KIAA0319L: variants seen among roughly 807,000 people sequenced by gnomAD.
The protein encoded by KIAA0319L is dyslexia-associated protein KIAA0319-like protein.
Under a neutral mutation model 120.1 loss-of-function variants are expected in KIAA0319L, and 55 were observed. That is an observed-to-expected ratio of 0.46 (90% CI 0.37 to 0.57). The LOEUF is 0.57. Among genes scored for constraint, KIAA0319L ranks in the 20% least tolerant of loss-of-function variants. KIAA0319L has a pLI of 0.00. For missense variants in KIAA0319L, 1,049 were observed against 1,255.3 expected (o/e 0.84, Z 2.48); for synonymous variants, 398 against 471.9 (o/e 0.84, Z 2.03).
Position 35,437,574 on chromosome 1 carries a change from C to T in KIAA0319L, c.2963-2493G>A, listed in dbSNP as rs140500113. On this transcript the variant is annotated intron_variant, in intron 20 of 20. Coordinates refer to ENST00000325722, the MANE Select transcript of KIAA0319L (RefSeq NM_024874.5). The surrounding 1 kb of genome is among the most constrained non-coding windows in gnomAD (Gnocchi z 4.1). ...ACCTGCGCTTTCACTTCCACTGTCA[C>T]TCCCCACTCTACTGCAGCTCTCTGA... 6.6e-6 allele frequency among the ~76,000 whole-genome samples: 1 copy of T among 152,358 alleles called. No homozygotes were observed. Among genetic ancestry groups the T allele is most frequent in the African/African-American group, 2.4e-5 (1 of 41,590 alleles).
rs1218146116 is a variant in KIAA0319L at position 35,466,594 on chromosome 1, G to A, written c.1201+14C>T. The A allele has an allele frequency of 1.3e-6, 2 of 1,589,890 alleles. No homozygotes were observed. The highest frequency in any genetic ancestry group is 2.2e-5 in the South Asian group (2 of 90,586). ...GAGGGAGGAAGGGAGACACAGCCAG[G>A]GCTGAAAACATACCTGGCTTGACTG... On this transcript the variant is annotated intron_variant, in intron 7 of 20. Transcript: ENST00000325722.
At chr1:35,501,808 G>A (rs1335594120) in intron 3 of KIAA0319L, among the ~76,000 whole-genome samples, 2 of 151,412 alleles carry the variant, frequency 1.3e-5, no homozygotes, top group Admixed American at 1.3e-4. Flanking sequence ...AACCCGGGAG[G>A]TGGAGGTTGC....
intron 20 of KIAA0319L, among the ~76,000 whole-genome samples, chr1:35,438,338 C>A (rs1640944544): frequency 6.6e-6 from 1 of 152,078 alleles, no homozygotes; most frequent in Admixed American, 6.6e-5. Flanking sequence ...AAGCTGGGAG[C>A]CATCCTTCCT....
chr1:35,539,758 G>A (rs1271984236), intron 2 of KIAA0319L, among the ~76,000 whole-genome samples: 2 of 152,164 alleles, frequency 1.3e-5, no homozygotes, highest in Non-Finnish European at 2.9e-5. Flanking sequence ...GCTGACTCTG[G>A]TTGCCCTCAG....
intron 5 of KIAA0319L, among the ~76,000 whole-genome samples, chr1:35,472,438 C>T (rs962582524): frequency 1.1e-4 from 17 of 152,098 alleles, no homozygotes; most frequent in African/African-American, 3.6e-4. Flanking sequence ...ATTACAGGCA[C>T]GTACCACCAC....
At chr1:35,523,379 T>A (rs993548342) in intron 2 of KIAA0319L, among the ~76,000 whole-genome samples, 2 of 152,198 alleles carry the variant, frequency 1.3e-5, no homozygotes, top group Non-Finnish European at 2.9e-5. Context: ...AACATTACAT[T>A]GTAGGTGCTC....
At chr1:35,496,217 C>T (rs1159517869) in intron 3 of KIAA0319L, among the ~76,000 whole-genome samples, 4 of 151,946 alleles carry the variant, frequency 2.6e-5, no homozygotes, top group Non-Finnish European at 4.4e-5. Flanking sequence ...GTCAGGGGTT[C>T]GATACCAGCC....
chr1:35,473,775 G>A (rs1643783292), intron 5 of KIAA0319L, among the ~76,000 whole-genome samples: 1 of 152,180 alleles, frequency 6.6e-6, no homozygotes. Flanking sequence ...TAAGAATACT[G>A]TATTGGAGAT....
At chr1:35,467,688 C>T (rs1643360447) in intron 6 of KIAA0319L, among the ~76,000 whole-genome samples, 1 of 151,774 alleles carries the variant, frequency 6.6e-6, no homozygotes, top group African/African-American at 2.4e-5. Flanking sequence ...TACAATCATA[C>T]AATCTTTTTT....
intron 2 of KIAA0319L, among the ~76,000 whole-genome samples, chr1:35,527,910 A>G (rs1646215362): frequency 1.3e-5 from 2 of 149,558 alleles, no homozygotes; most frequent in African/African-American, 4.9e-5. Context: ...CCTTCCTTCT[A>G]CTAATTTTGG....
chr1:35,550,963 A>G (rs1472441919), intron 2 of KIAA0319L, among the ~76,000 whole-genome samples: 1 of 152,246 alleles, frequency 6.6e-6, no homozygotes, highest in East Asian at 1.9e-4. Flanking sequence ...GGTTTCAGCA[A>G]TATTTTGCAG....
At chr1:35,546,037 T>C (rs1336847428) in intron 2 of KIAA0319L, among the ~76,000 whole-genome samples, 1 of 152,200 alleles carries the variant, frequency 6.6e-6, no homozygotes. Flanking sequence ...GAGGTAGCCA[T>C]GAGACATCTT....
chr1:35,441,450 C>G (rs1641209967), intron 19 of KIAA0319L, among the ~76,000 whole-genome samples: 1 of 152,098 alleles, frequency 6.6e-6, no homozygotes, highest in East Asian at 1.9e-4. Context: ...TGGGAGGAGA[C>G]AGGCATTACA....
At chr1:35,444,573 T>C (rs972158245) in intron 16 of KIAA0319L, among the ~76,000 whole-genome samples, 12 of 152,202 alleles carry the variant, frequency 7.9e-5, no homozygotes, top group Admixed American at 7.2e-4. Context: ...TATGTCTGAC[T>C]ACAAAGTCTG....
intron 2 of KIAA0319L, among the ~76,000 whole-genome samples, chr1:35,536,685 C>A (rs931879038): frequency 2.0e-5 from 3 of 152,146 alleles, no homozygotes; most frequent in Non-Finnish European, 4.4e-5. Context: ...AGGTGCTATT[C>A]CATTTCAAAA....
At chr1:35,441,394 A>T (rs1348550944) in intron 19 of KIAA0319L, among the ~76,000 whole-genome samples, 1 of 152,196 alleles carries the variant, frequency 6.6e-6, no homozygotes, top group East Asian at 1.9e-4. Context: ...TGAAGGACAG[A>T]TTGGTTAAAA....
intron 10 of KIAA0319L, among the ~76,000 whole-genome samples, chr1:35,455,703 C>T (rs1318730546): frequency 1.3e-5 from 2 of 151,458 alleles, no homozygotes; most frequent in African/African-American, 4.9e-5. Flanking sequence ...GCCTCAGCCT[C>T]CCAAGTAGCT....
intron 3 of KIAA0319L, among the ~76,000 whole-genome samples, chr1:35,500,850 A>T (rs2148383707): frequency 6.6e-6 from 1 of 152,348 alleles, no homozygotes; most frequent in East Asian, 1.9e-4. Flanking sequence ...CCAGAGCTAT[A>T]CATGGCCTTC....
chr1:35,460,476 C>T, intron 8 of KIAA0319L, 39 bp from the exon 9 acceptor site: 1 of 1,603,854 alleles, frequency 6.2e-7, no homozygotes, highest in Non-Finnish European at 8.5e-7. Context: ...CATGAGAACG[C>T]TTGGTCTTAG....
Sources: gnomAD v4.1 joint callset for allele counts (sites outside exome capture counted in the v4.1 genomes callset) on GRCh38, gnomAD v4.1.1 for gene constraint, Gnocchi (gnomAD v3.1) non-coding constraint, MANE v1.5 for transcripts, NCBI Gene and HGNC (gene_info 2026-07-23, HGNC 2026-07-21) for gene names.